Variants in GNA14 observed in about 807,000 individuals in gnomAD.
The protein encoded by GNA14 is guanine nucleotide-binding protein subunit alpha-14.
A neutral mutation model predicts 42.0 loss-of-function variants in GNA14; 50 were observed. That is an observed-to-expected ratio of 1.19 (90% CI 0.95 to 1.51). GNA14 has a LOEUF of 1.51. GNA14 is among the 40% of genes most tolerant of loss of function. The pLI is 0.00. For missense variants in GNA14, 473 were observed against 446.2 expected, an observed-to-expected ratio of 1.06 and a Z score of -0.54; for synonymous variants, 173 against 163.1, an observed-to-expected ratio of 1.06 and a Z score of -0.46.
chr9:77,588,224 G>A (rs536280365), intron 1 of GNA14, among the ~76,000 whole-genome samples: 1 of 152,240 alleles, frequency 6.6e-6, no homozygotes, highest in South Asian at 2.1e-4. Context: ...GGATTCAGAG[G>A]GGGACATCTT....
chr9:77,646,383 G>A (rs1051666317), intron 1 of GNA14, among the ~76,000 whole-genome samples: 1 of 152,132 alleles, frequency 6.6e-6, no homozygotes, highest in Non-Finnish European at 1.5e-5. Flanking sequence ...CATGGTCTCT[G>A]GGTAGCAAGC....
At chr9:77,434,577 T>C in intron 2 of GNA14, 55 bp from the exon 3 acceptor site, 1 of 1,490,402 alleles carries the variant, frequency 6.7e-7, no homozygotes, top group Non-Finnish European at 9.3e-7. Flanking sequence ...GCCAACCCAT[T>C]GGCAATGTCG....
chr9:77,525,948 C>T (rs1486278495), intron 2 of GNA14, among the ~76,000 whole-genome samples: 1 of 151,124 alleles, frequency 6.6e-6, no homozygotes, highest in Non-Finnish European at 1.5e-5. Flanking sequence ...TGTCCCCTGG[C>T]TGGAGTGCAG....
At chr9:77,503,344 A>G (rs1837005538) in intron 2 of GNA14, among the ~76,000 whole-genome samples, 1 of 152,218 alleles carries the variant, frequency 6.6e-6, no homozygotes, top group Non-Finnish European at 1.5e-5. Context: ...GAAGAGATAA[A>G]GATGTAAAAG....
At chr9:77,501,454 T>C (rs1836969524) in intron 2 of GNA14, among the ~76,000 whole-genome samples, 1 of 152,212 alleles carries the variant, frequency 6.6e-6, no homozygotes, top group African/African-American at 2.4e-5. Context: ...TAATAGCTAA[T>C]GAATGATATT....
At chr9:77,448,648 G>A (rs989612306) in intron 2 of GNA14, among the ~76,000 whole-genome samples, 1 of 152,110 alleles carries the variant, frequency 6.6e-6, no homozygotes, top group South Asian at 2.1e-4. Flanking sequence ...CATACAAGTA[G>A]CGTACTGCTG....
At chr9:77,485,237 A>G (rs773184701) in intron 2 of GNA14, among the ~76,000 whole-genome samples, 1 of 152,206 alleles carries the variant, frequency 6.6e-6, no homozygotes, top group Non-Finnish European at 1.5e-5. Flanking sequence ...TGTTCACAGC[A>G]TCTCCACAGG....
chr9:77,463,324 T>C (rs1836149335), intron 2 of GNA14, among the ~76,000 whole-genome samples: 1 of 152,118 alleles, frequency 6.6e-6, no homozygotes, highest in African/African-American at 2.4e-5. Context: ...CCAATAATAA[T>C]TCTCTACTCA....
intron 2 of GNA14, among the ~76,000 whole-genome samples, chr9:77,446,317 G>C (rs902878283): frequency 6.6e-6 from 1 of 152,208 alleles, no homozygotes; most frequent in Non-Finnish European, 1.5e-5. Context: ...CACCAGCAAG[G>C]CTTCAATTTA....
At chr9:77,508,275 A>G (rs186761542) in intron 2 of GNA14, among the ~76,000 whole-genome samples, 4 of 152,342 alleles carry the variant, frequency 2.6e-5, no homozygotes. Flanking sequence ...TTTCATTTAA[A>G]AAAATGATTT....
At chr9:77,510,269 G>A (rs1004321329) in intron 2 of GNA14, among the ~76,000 whole-genome samples, 1 of 152,114 alleles carries the variant, frequency 6.6e-6, no homozygotes, top group Non-Finnish European at 1.5e-5. Flanking sequence ...GGTTTCCAAG[G>A]TTCATGCATG....
At chr9:77,616,900 C>T (rs1823828918) in intron 1 of GNA14, among the ~76,000 whole-genome samples, 1 of 150,600 alleles carries the variant, frequency 6.6e-6, no homozygotes, top group Non-Finnish European at 1.5e-5. Context: ...GGCAGAGTCT[C>T]ACTCTGTCGC....
chr9:77,485,515 T>G (rs6560601), intron 2 of GNA14, among the ~76,000 whole-genome samples: 3,865 of 152,280 alleles, frequency 0.025, 163 homozygotes, highest in African/African-American at 0.087. Context: ...CAAATGTTCT[T>G]CATGGTATCT....
intron 1 of GNA14, among the ~76,000 whole-genome samples, chr9:77,588,358 T>A (rs959753981): frequency 1.3e-5 from 2 of 152,158 alleles, no homozygotes; most frequent in African/African-American, 2.4e-5. Flanking sequence ...TACTTCCTGT[T>A]TTTCAGCACT....
intron 2 of GNA14, among the ~76,000 whole-genome samples, chr9:77,493,023 AAAAAT>A (rs1836807447): frequency 2.5e-5 from 3 of 121,560 alleles, no homozygotes; most frequent in African/African-American, 3.5e-5. Flanking sequence ...AAAAAAAAAA[AAAAAT>A]ATATATATAT....
intron 1 of GNA14, among the ~76,000 whole-genome samples, chr9:77,618,595 TATATATATATATATATATATATATA>T (rs1564067725): frequency 7.7e-4 from 10 of 13,008 alleles, no homozygotes; most frequent in South Asian, 1.9e-3. Context: ...TATATATATA[TATATATATATATATATATATATATA>T]TTTTTTTTTT....
intron 2 of GNA14, among the ~76,000 whole-genome samples, chr9:77,471,666 T>C (rs552515391): frequency 2.6e-5 from 4 of 152,110 alleles, no homozygotes; most frequent in Admixed American, 2.6e-4. Flanking sequence ...TTCAGAAGGG[T>C]AGTTGAGAAC....
chr9:77,644,975 T>C (rs1824331217), intron 1 of GNA14, among the ~76,000 whole-genome samples: 2 of 152,216 alleles, frequency 1.3e-5, no homozygotes. Context: ...ATCTCCTTTA[T>C]TTTCTCCATC....
At chr9:77,579,600 T>C (rs886183602) in intron 1 of GNA14, among the ~76,000 whole-genome samples, 1 of 152,214 alleles carries the variant, frequency 6.6e-6, no homozygotes, top group African/African-American at 2.4e-5. Context: ...CCCATTGTTC[T>C]TCCTTCAGCC....
Sources: allele counts gnomAD v4.1 joint callset (sites outside exome capture counted in the v4.1 genomes callset), GRCh38; gene constraint gnomAD v4.1.1; transcripts MANE v1.5; gene names NCBI Gene and HGNC (gene_info 2026-07-23, HGNC 2026-07-21).